Variants in GALNT13 observed in about 807,000 individuals in gnomAD.
GALNT13 encodes UDP-GalNAc:polypeptide N-acetylgalactosaminyltransferase 13.
Under a neutral mutation model 64.2 loss-of-function variants are expected in GALNT13, and 28 were observed. That is an observed-to-expected ratio of 0.44 (90% CI 0.32 to 0.60). GALNT13 has a LOEUF of 0.60. GALNT13 is among the 20% of genes least tolerant of loss of function. The pLI, the probability that GALNT13 is intolerant of heterozygous loss-of-function variation, is 0.05. For synonymous variants in GALNT13, 214 were observed against 224.6 expected, an observed-to-expected ratio of 0.95 and a Z score of 0.42; for missense variants, 577 against 669.8, an observed-to-expected ratio of 0.86 and a Z score of 1.53.
intron 9 of GALNT13, among the ~76,000 whole-genome samples, chr2:154,380,779 GC>G (rs1464467154): frequency 1.3e-5 from 2 of 152,034 alleles, no homozygotes; most frequent in Non-Finnish European, 2.9e-5. Context: ...TCTCTCACAT[GC>G]CTGCAATTAA....
chr2:153,164,736 T>C, the GALNT13 span, among the ~76,000 whole-genome samples: 1 of 152,186 alleles, frequency 6.6e-6, no homozygotes. Flanking sequence ...TACAGTAGCA[T>C]GTTATTAACT....
At chr2:153,252,037 A>G in the GALNT13 span, among the ~76,000 whole-genome samples, 213 of 151,532 alleles carry the variant, frequency 1.4e-3, 1 homozygote, top group African/African-American at 5.0e-3. Context: ...ATCCCTGAGG[A>G]ATCACTACAC....
At chr2:153,545,812 G>A in the GALNT13 span, among the ~76,000 whole-genome samples, 16 of 152,258 alleles carry the variant, frequency 1.1e-4, no homozygotes, top group South Asian at 3.1e-3. Context: ...CCCCAATCCA[G>A]GCACCCAACA....
At chr2:153,894,880 C>A (rs1687789684) in intron 1 of GALNT13, among the ~76,000 whole-genome samples, 1 of 152,068 alleles carries the variant, frequency 6.6e-6, no homozygotes, top group African/African-American at 2.4e-5. Flanking sequence ...GATCAACCAG[C>A]AAAGAATATG....
At chr2:154,212,517 T>G (rs1230100134) in intron 4 of GALNT13, among the ~76,000 whole-genome samples, 2 of 152,184 alleles carry the variant, frequency 1.3e-5, no homozygotes, top group Non-Finnish European at 2.9e-5. Flanking sequence ...GTGCTGGGAT[T>G]ACAAGCGTGA....
Position 154,068,040 on chromosome 2 carries a change from A to G in GALNT13, c.143-72297A>G, listed in dbSNP as rs140302137. ...GAAAAAATCTAATAATCCATTTAAA[A>G]AATGGGCCAAAGATCTGAATTGATA... On this transcript the variant is annotated intron_variant, in intron 3 of 12. Coordinates refer to ENST00000392825, the MANE Select transcript of GALNT13 (RefSeq NM_052917.4). 2.0e-3 allele frequency among the ~76,000 whole-genome samples: 310 copies of G among 152,222 alleles called. 2 individuals carry two copies. The highest frequency in any genetic ancestry group is 7.3e-3 in the African/African-American group (304 of 41,564).
At chr2:153,520,782 T>A in the GALNT13 span, among the ~76,000 whole-genome samples, 2 of 152,202 alleles carry the variant, frequency 1.3e-5, no homozygotes, top group African/African-American at 4.8e-5. Context: ...TACATTATTA[T>A]CTTCATAAAT....
At chr2:154,183,552 A>G (rs1331075235) in intron 4 of GALNT13, among the ~76,000 whole-genome samples, 1 of 152,054 alleles carries the variant, frequency 6.6e-6, no homozygotes, top group African/African-American at 2.4e-5. Context: ...CTCTACAAAA[A>G]AATAAAAACA....
chr2:154,354,577 T>C (rs1696615542), intron 9 of GALNT13, among the ~76,000 whole-genome samples: 1 of 151,834 alleles, frequency 6.6e-6, no homozygotes, highest in Admixed American at 6.6e-5. Flanking sequence ...TCATTTTGAG[T>C]TATTCTTTCT....
chr2:153,309,790 A>C, the GALNT13 span, among the ~76,000 whole-genome samples: 1 of 152,126 alleles, frequency 6.6e-6, no homozygotes, highest in Non-Finnish European at 1.5e-5. Context: ...ATTAGAGAAT[A>C]ATTATAAAGC....
At chr2:154,282,123 C>T (rs1025748668) in intron 8 of GALNT13, among the ~76,000 whole-genome samples, 2 of 152,224 alleles carry the variant, frequency 1.3e-5, no homozygotes, top group Admixed American at 6.5e-5. Context: ...GCATTGTCTA[C>T]GTTTAATGCC....
chr2:153,359,979 A>G, the GALNT13 span, among the ~76,000 whole-genome samples: 1 of 152,238 alleles, frequency 6.6e-6, no homozygotes, highest in East Asian at 1.9e-4. Flanking sequence ...GTGAATTTGC[A>G]GCAAGGACAA....
chr2:154,235,233 T>G (rs1689131443), intron 4 of GALNT13, among the ~76,000 whole-genome samples: 1 of 152,178 alleles, frequency 6.6e-6, no homozygotes, highest in South Asian at 2.1e-4. Context: ...TCCCTGGATT[T>G]TAAAATAAAG....
At chr2:153,900,401 G>A (rs60847462) in intron 1 of GALNT13, among the ~76,000 whole-genome samples, 6 of 152,014 alleles carry the variant, frequency 3.9e-5, no homozygotes, top group African/African-American at 1.2e-4. Flanking sequence ...GGGTATGCAG[G>A]TCGTGTGCCT....
At chr2:153,406,906 C>G in the GALNT13 span, among the ~76,000 whole-genome samples, 6 of 152,000 alleles carry the variant, frequency 3.9e-5, no homozygotes, top group Admixed American at 2.6e-4. Context: ...TGTGGTTGAA[C>G]ATTATCATTT....
the GALNT13 span, among the ~76,000 whole-genome samples, chr2:153,647,387 T>A: frequency 1.3e-5 from 2 of 152,198 alleles, no homozygotes; most frequent in African/African-American, 2.4e-5. Flanking sequence ...ATGAGTAGAT[T>A]GCAAAAATTT....
At chr2:153,198,825 C>T in the GALNT13 span, among the ~76,000 whole-genome samples, 1 of 152,136 alleles carries the variant, frequency 6.6e-6, no homozygotes, top group African/African-American at 2.4e-5. Context: ...ATTCAGCTCC[C>T]TTATTTGTTT....
At chr2:153,965,100 G>C (rs1030406291) in intron 3 of GALNT13, among the ~76,000 whole-genome samples, 1 of 152,070 alleles carries the variant, frequency 6.6e-6, no homozygotes, top group Admixed American at 6.6e-5. Context: ...TATTTATGAG[G>C]TACATGTGAT....
intron 4 of GALNT13, among the ~76,000 whole-genome samples, chr2:154,240,549 G>A (rs980535971): frequency 6.6e-6 from 1 of 152,178 alleles, no homozygotes; most frequent in Non-Finnish European, 1.5e-5. Context: ...GTGTGATGGG[G>A]CTGTGGCTTG....
Sources: gnomAD v4.1 joint callset for allele counts (sites outside exome capture counted in the v4.1 genomes callset) on GRCh38, gnomAD v4.1.1 for gene constraint, MANE v1.5 for transcripts, NCBI Gene and HGNC (gene_info 2026-07-23, HGNC 2026-07-21) for gene names.